The following DCAF6 variants were observed in gnomAD, a reference collection of about 807,000 sequenced individuals.
The protein encoded by DCAF6 is DDB1- and CUL4-associated factor 6.
Under a neutral mutation model 125.1 loss-of-function variants are expected in DCAF6, and 54 were observed. That is an observed-to-expected ratio of 0.43 (90% CI 0.35 to 0.54). DCAF6 has a LOEUF of 0.54. Among genes scored for constraint, DCAF6 ranks in the 20% least tolerant of loss-of-function variants. The pLI is 0.01. For synonymous variants in DCAF6, 371 were observed against 390.4 expected (o/e 0.95, Z 0.58); for missense variants, 934 against 1,161.7 (o/e 0.80, Z 2.85).
intron 12 of DCAF6, among the ~76,000 whole-genome samples, chr1:168,031,751 GA>G (rs1687123091): frequency 2.6e-5 from 4 of 151,888 alleles, no homozygotes; most frequent in Admixed American, 2.6e-4. Flanking sequence ...GTCATGAAAA[GA>G]AATACTGGAA....
Position 168,044,326 on chromosome 1 carries a change from A to G in DCAF6, c.1844-259A>G, listed in dbSNP as rs180864597. Among the ~76,000 whole-genome samples, 30 of 152,336 alleles carry G rather than the reference A, an allele frequency of 2.0e-4. No individual in the cohort carries two copies. The East Asian group carries it at 5.0e-3, about 25-fold the overall frequency. On this transcript the variant is annotated intron_variant, in intron 14 of 21. Transcript: ENST00000367840. ...GGAAATACTCCCTCCCAAAATAACA[A>G]TATGACAATAAAAAGGAACATAGAT...
intron 10 of DCAF6, 30 bp from the exon 11 acceptor site, chr1:168,015,751 T>C: frequency 7.0e-7 from 1 of 1,427,496 alleles, no homozygotes; most frequent in South Asian, 1.5e-5. Flanking sequence ...TATTACTGTC[T>C]TTTCACCTTT....
At chr1:168,031,057 G>A (rs1423096434) in intron 12 of DCAF6, among the ~76,000 whole-genome samples, 2 of 152,144 alleles carry the variant, frequency 1.3e-5, no homozygotes, top group East Asian at 3.8e-4. Flanking sequence ...AAAATCGGTT[G>A]GGTAGTTGAT....
chr1:167,876,188 C>T, the DCAF6 span, among the ~76,000 whole-genome samples: 49,588 of 149,508 alleles, frequency 0.33, 9,203 homozygotes, highest in African/African-American at 0.5. Flanking sequence ...ACCCAAGAGA[C>T]AGAGGTTGCA....
intron 1 of DCAF6, 34 bp downstream of exon 1, chr1:167,937,042 TCG>T: frequency 1.3e-6 from 2 of 1,562,340 alleles, no homozygotes; most frequent in Non-Finnish European, 1.7e-6. Flanking sequence ...GGCGCTGAGG[TCG>T]CCGCCTAGAG....
chr1:168,014,141 T>C (rs1684653189), intron 10 of DCAF6, among the ~76,000 whole-genome samples: 2 of 152,240 alleles, frequency 1.3e-5, no homozygotes, highest in East Asian at 3.8e-4. Flanking sequence ...TTTGTGTCTC[T>C]ACTTCATCAC....
chr1:167,987,414 T>A, intron 4 of DCAF6, 81 bp from the exon 5 acceptor site: 1 of 722,878 alleles, frequency 1.4e-6, no homozygotes, highest in Admixed American at 2.2e-5. Context: ...CTTAATCATT[T>A]TATGAAATAG....
Position 168,044,774 on chromosome 1 carries a change from A to T in DCAF6, c.1930+103A>T, listed in dbSNP as rs1206122627. On this transcript the variant is annotated intron_variant, in intron 15 of 21. Coordinates refer to ENST00000367840, the MANE Select transcript of DCAF6 (RefSeq NM_001198956.2). Reference sequence around the variant, plus strand: ...GAGGCCATGTTCAAGTGTATTGTGGAAGTTTCCTCCCCTTATAGAGGAATT... The same window carrying T: ...GAGGCCATGTTCAAGTGTATTGTGGTAGTTTCCTCCCCTTATAGAGGAATT... The T allele has an allele frequency of 5.0e-6, 7 of 1,406,510 alleles. No homozygotes were observed. The South Asian group carries it at 8.8e-5, about 18-fold the overall frequency. 87.1% of individuals were successfully genotyped at this position (1,406,510 alleles called of 1,614,324 possible).
At chr1:167,896,873 A>G in the DCAF6 span, among the ~76,000 whole-genome samples, 1 of 152,190 alleles carries the variant, frequency 6.6e-6, no homozygotes, top group African/African-American at 2.4e-5. Flanking sequence ...AATCTTTCCA[A>G]TTACAGTGTT....
chr1:168,046,675 C>G (rs1291483511), intron 16 of DCAF6, among the ~76,000 whole-genome samples: 1 of 152,050 alleles, frequency 6.6e-6, no homozygotes. Context: ...GAGGGAGTTC[C>G]TTAGAATGTC....
intron 11 of DCAF6, among the ~76,000 whole-genome samples, chr1:168,022,623 C>T (rs1685806006): frequency 6.6e-6 from 1 of 152,146 alleles, no homozygotes; most frequent in Non-Finnish European, 1.5e-5. Flanking sequence ...AGGATGAAAA[C>T]CATCTTAAGG....
chr1:167,984,538 T>A (rs1679663985), intron 4 of DCAF6, among the ~76,000 whole-genome samples: 1 of 149,486 alleles, frequency 6.7e-6, no homozygotes, highest in East Asian at 1.9e-4. Flanking sequence ...GCAGAAGTGA[T>A]CATTTTACTT....
intron 12 of DCAF6, among the ~76,000 whole-genome samples, chr1:168,026,636 G>A (rs191565373): frequency 5.3e-5 from 8 of 152,206 alleles, no homozygotes; most frequent in African/African-American, 1.9e-4. Flanking sequence ...TTGATAGGGT[G>A]ATAATGAACC....
the DCAF6 span, among the ~76,000 whole-genome samples, chr1:167,894,127 G>A: frequency 1.3e-5 from 2 of 152,192 alleles, no homozygotes; most frequent in African/African-American, 2.4e-5. Context: ...GCTCTTAGAG[G>A]TTAAAGGTTT....
chr1:167,895,911 C>T, the DCAF6 span, among the ~76,000 whole-genome samples: 17 of 152,182 alleles, frequency 1.1e-4, no homozygotes, highest in African/African-American at 4.1e-4. Context: ...GGAAACTAAG[C>T]AAAGAGGACT....
the DCAF6 span, among the ~76,000 whole-genome samples, chr1:167,874,866 C>T: frequency 0.34 from 51,793 of 151,894 alleles, 9,831 homozygotes; most frequent in African/African-American, 0.51. Context: ...ATATATAAGC[C>T]GTATATAATT....
intron 11 of DCAF6, among the ~76,000 whole-genome samples, chr1:168,021,977 G>C (rs1685723556): frequency 1.3e-5 from 2 of 152,078 alleles, no homozygotes; most frequent in Admixed American, 1.3e-4. Context: ...TATTCTTATT[G>C]GTTGGGGAGA....
chr1:168,073,480 T>C (rs1291118803), intron 21 of DCAF6, among the ~76,000 whole-genome samples: 2 of 152,212 alleles, frequency 1.3e-5, no homozygotes, highest in Non-Finnish European at 2.9e-5. Context: ...CTGTCACTTA[T>C]TCTGTGACCT....
rs76532604 is a variant in DCAF6, at chr1:167,984,840, A to T, written c.439-2655A>T. On this transcript the variant is annotated intron_variant, in intron 4 of 21. Transcript: ENST00000367840. ...AAGTTTGGTAAATTAAAAATTATGT[A>T]TAGTTCATTTTCATGCTGCTAATAA... Among the ~76,000 whole-genome samples the T allele has an allele frequency of 4.6e-5, 7 of 152,312 alleles. No homozygotes were observed. The South Asian group carries it at 8.3e-4, about 18-fold the overall frequency.
Sources: allele counts gnomAD v4.1 joint callset (sites outside exome capture counted in the v4.1 genomes callset), GRCh38; gene constraint gnomAD v4.1.1; transcripts MANE v1.5; gene names NCBI Gene and HGNC (gene_info 2026-07-23, HGNC 2026-07-21).